The following CELSR1 variants were observed in gnomAD, a reference collection of about 807,000 sequenced individuals.
The protein encoded by CELSR1 is adhesion G protein-coupled receptor C1.
Under a neutral mutation model 249.1 loss-of-function variants are expected in CELSR1, and 110 were observed. The ratio of observed to expected loss-of-function variants is 0.44; its 90% CI spans 0.38 to 0.52. The LOEUF is 0.52. CELSR1 is among the 20% of genes least tolerant of loss of function. The probability of loss-of-function intolerance (pLI) is 0.00; values close to 1 mark genes in which losing one functional copy is unlikely to be tolerated. For synonymous variants in CELSR1, 2,113 were observed against 1,900.0 expected, an observed-to-expected ratio of 1.11 and a Z score of -2.92; for missense variants, 4,109 against 4,296.4, an observed-to-expected ratio of 0.96 and a Z score of 1.22.
intron 27 of CELSR1, among the ~76,000 whole-genome samples, chr22:46,368,787 G>C (rs7287367): frequency 0.16 from 23,689 of 151,518 alleles, 6,100 homozygotes; most frequent in African/African-American, 0.54. Context: ...TGACAGTGGG[G>C]TGGGGGGGTC....
intron 1 of CELSR1, among the ~76,000 whole-genome samples, chr22:46,497,182 C>T (rs1352575754): frequency 6.6e-6 from 1 of 152,212 alleles, no homozygotes; most frequent in African/African-American, 2.4e-5. Flanking sequence ...TTGACAGAAA[C>T]ATCATTATGC....
intron 2 of CELSR1, among the ~76,000 whole-genome samples, chr22:46,461,452 G>A (rs867447356): frequency 3.5e-4 from 53 of 152,208 alleles, no homozygotes; most frequent in African/African-American, 1.3e-3. Context: ...GTCCCCAGGG[G>A]CCTCGACCAC....
rs375109988 is a variant in CELSR1 at position 46,408,805 on chromosome 22, C to T, written c.5226+191G>A. Among the ~76,000 whole-genome samples the T allele has an allele frequency of 7.9e-5, 12 of 152,222 alleles. No homozygotes were observed. The highest frequency in any genetic ancestry group is 3.9e-4 in the East Asian group (2 of 5,192). On this transcript the variant is annotated intron_variant, in intron 9 of 34. Transcript: ENST00000674500. This position sits in a 1 kb window ranked among gnomAD's most constrained non-coding sequence, Gnocchi z 4.6. The stretch of plus-strand genomic sequence containing the variant: ...GGGTTGGCCCAGCCCCATGCTCCCT[C>T]GCTGTCTCCGCCTCCCAGAGGAAAG...
At position 46,535,301 on chromosome 22, in the gene CELSR1, G is replaced by A. The variant is rs536180185; in HGVS notation, c.1870C>T (p.Pro624Ser). ...ATCTGGAAGGGGAAGTCAGGGGTGG[G>A]GGCAGGATTCTTAGGCCCAGCGCTG... ...GGSAGPKNPA[P>S]TPDFPFQIHN... The change falls in exon 1 of 35, where the codon CCC (proline) becomes TCC (serine). Residue 624 changes from proline (P) to serine (S), a missense_variant. This residue lies in a region of CELSR1 where 886 missense variants were observed against 896.5 expected (regional missense o/e 0.99). Transcript: ENST00000674500. 1 of 1,611,522 alleles carries A rather than the reference G, an allele frequency of 6.2e-7. No homozygotes were observed. The highest frequency in any genetic ancestry group is 1.6e-4 in the Middle Eastern group (1 of 6,062).
intron 22 of CELSR1, 119 bp from the exon 23 acceptor site, chr22:46,378,836 C>T: frequency 1.5e-6 from 2 of 1,330,780 alleles, no homozygotes; most frequent in East Asian, 2.5e-5. Flanking sequence ...AACCAAACAG[C>T]AGGTGCCGTG....
Position 46,536,250 on chromosome 22 carries a change from C to A in CELSR1, c.921G>T (p.Thr307=). 1.2e-6 allele frequency: 2 copies of A among 1,612,250 alleles called. No homozygotes were observed. The highest frequency in any genetic ancestry group is 1.7e-6 in the Non-Finnish European group (2 of 1,179,768). The change falls in exon 1 of 35, where the codon ACG becomes ACT. Residue 307 remains threonine, a synonymous_variant. Transcript: ENST00000674500. ...RIDSATGAVS[T]DSVLDRETKE... ...TGGTCTCGCGGTCCAGTACGCTGTC[C>A]GTGCTCACGGCGCCCGTGGCAGAGT... is the stretch of plus-strand genomic sequence containing the variant.
intron 1 of CELSR1, among the ~76,000 whole-genome samples, chr22:46,523,491 G>A (rs1030195894): frequency 1.3e-5 from 2 of 151,800 alleles, no homozygotes; most frequent in Non-Finnish European, 2.9e-5. Flanking sequence ...TTGCACCACT[G>A]CACTCCAGCC....
chr22:46,501,198 AATTTTT>A (rs1246001019), intron 1 of CELSR1, among the ~76,000 whole-genome samples: 1 of 111,164 alleles, frequency 9.0e-6, no homozygotes, highest in Non-Finnish European at 1.7e-5. Flanking sequence ...ATGCCCGGCT[AATTTTT>A]TTTTTTTTTT....
At chr22:46,455,722 G>A (rs1051324628) in intron 2 of CELSR1, among the ~76,000 whole-genome samples, 2 of 152,244 alleles carry the variant, frequency 1.3e-5, no homozygotes, top group Admixed American at 6.5e-5. Context: ...CTGGGCTCCA[G>A]TGCTGGTGGG....
In CELSR1 at chr22:46,500,815, A is replaced by G. The variant is rs1326928228; in HGVS notation, c.3544+32812T>C. On this transcript the variant is annotated intron_variant, in intron 1 of 34. Coordinates refer to ENST00000674500, the MANE Select transcript of CELSR1 (RefSeq NM_001378328.1). This position sits in a 1 kb window ranked among gnomAD's most constrained non-coding sequence, Gnocchi z 4.9. ...GAGGCCAGCAGCAGGTCAGGCCACT[A>G]CATTGCGTCTCTCAGGCTCAGAACA... Among the ~76,000 whole-genome samples the G allele has an allele frequency of 6.6e-6, 1 of 152,114 alleles. No individual in the cohort carries two copies. The highest frequency in any genetic ancestry group is 1.5e-5 in the Non-Finnish European group (1 of 67,992).
chr22:46,363,047 G>A lies in CELSR1; in HGVS notation c.*176C>T. The A allele has an allele frequency of 7.4e-7, 1 of 1,348,466 alleles. No homozygotes were observed. Among genetic ancestry groups the A allele is most frequent in the South Asian group, 1.2e-5 (1 of 82,606 alleles). The allele number at this position is 1,348,466 out of a possible 1,614,324, so 83.5% of individuals were successfully genotyped here. On this transcript the variant is annotated 3_prime_UTR_variant, in exon 35 of 35. Transcript: ENST00000674500. The surrounding 1 kb of genome is among the most constrained non-coding windows in gnomAD (Gnocchi z 4.3). ...GGGAGAACCAAGACCTTTGTGTCTG[G>A]ATGATCAGTCGGGGGGCTGCCACCA...
intron 5 of CELSR1, among the ~76,000 whole-genome samples, chr22:46,419,946 C>T (rs1281460623): frequency 6.6e-6 from 1 of 151,234 alleles, no homozygotes; most frequent in Non-Finnish European, 1.5e-5. Flanking sequence ...CAAACTCATG[C>T]ACACTCACCC....
At position 46,409,899 on chromosome 22, in the gene CELSR1, C is replaced by T. The variant is rs550455994; in HGVS notation, c.4934-19G>A. 10 of 1,610,134 alleles carry T rather than the reference C, an allele frequency of 6.2e-6. No homozygotes were observed. Among genetic ancestry groups the T allele is most frequent in the Admixed American group, 3.3e-5 (2 of 60,024 alleles). On this transcript the variant is annotated intron_variant, in intron 7 of 34. Transcript: ENST00000674500. The surrounding 1 kb of genome is among the most constrained non-coding windows in gnomAD (Gnocchi z 9.8). ...GCGCAGCCTGGCAACACAGAGCGTGCGGCAGAGCCTGACTCGGAGGAACCG... is the reference window on the plus strand; with the variant it reads ...GCGCAGCCTGGCAACACAGAGCGTGTGGCAGAGCCTGACTCGGAGGAACCG...
intron 1 of CELSR1, among the ~76,000 whole-genome samples, chr22:46,528,477 T>A (rs2080760068): frequency 6.6e-6 from 1 of 152,112 alleles, no homozygotes; most frequent in South Asian, 2.1e-4. Flanking sequence ...GGCAGGGACA[T>A]CGCCTTTCTC....
At chr22:46,422,482 G>C (rs9616001) in intron 5 of CELSR1, among the ~76,000 whole-genome samples, 15,016 of 150,680 alleles carry the variant, frequency 0.1, 1,047 homozygotes, top group African/African-American at 0.2. Context: ...ACCTGTAATC[G>C]CAGCACTTTG....
Position 46,398,723 on chromosome 22 carries a change from C to G in CELSR1, c.5413-86G>C. 9.4e-7 allele frequency: 1 copy of G among 1,060,026 alleles called. No homozygotes were observed. Among genetic ancestry groups the G allele is most frequent in the Non-Finnish European group, 1.4e-6 (1 of 725,996 alleles). The allele number at this position is 1,060,026 out of a possible 1,614,324, so 65.7% of individuals were successfully genotyped here. A position where few individuals can be genotyped will look rare whatever the true frequency, so the allele number is the denominator to read the frequency against. On this transcript the variant is annotated intron_variant, in intron 10 of 34. Transcript: ENST00000674500. The surrounding 1 kb of genome is among the most constrained non-coding windows in gnomAD (Gnocchi z 7.2). ...CAGATGGGAAGGATACACTGGAAGT[C>G]TAAACAGTCACTTCAACAAACTCCG... is the stretch of plus-strand genomic sequence containing the variant.
At position 46,524,519 on chromosome 22, in the gene CELSR1, C is replaced by T. The variant is rs568807895; in HGVS notation, c.3544+9108G>A. 1.4e-3 allele frequency among the ~76,000 whole-genome samples: 214 copies of T among 151,712 alleles called. 1 individual carries two copies. Among genetic ancestry groups the T allele is most frequent in the African/African-American group, 5.0e-3 (205 of 41,220 alleles). Reference sequence around the variant, plus strand: ...TTACCCCACACGATGACCTTGAAAACGGCCCCCACCCCCGTTGTGTGCGTG... The same window carrying T: ...TTACCCCACACGATGACCTTGAAAATGGCCCCCACCCCCGTTGTGTGCGTG... On this transcript the variant is annotated intron_variant, in intron 1 of 34. Coordinates refer to ENST00000674500, the MANE Select transcript of CELSR1 (RefSeq NM_001378328.1).
intron 1 of CELSR1, among the ~76,000 whole-genome samples, chr22:46,516,939 C>T (rs1192774400): frequency 8.5e-5 from 13 of 152,190 alleles, no homozygotes; most frequent in Admixed American, 8.5e-4. Context: ...CCCACCTAAA[C>T]CAGTGTCACG....
intron 23 of CELSR1, chr22:46,377,521 C>G: frequency 1.9e-6 from 1 of 520,858 alleles, no homozygotes. Flanking sequence ...GGGGGCCGTT[C>G]AGAGACCTCT....
Sources: gnomAD v4.1 joint callset for allele counts (sites outside exome capture counted in the v4.1 genomes callset) on GRCh38, gnomAD v4.1.1 for gene constraint, gnomAD v4.1.1 regional missense constraint, Gnocchi (gnomAD v3.1) non-coding constraint, MANE v1.5 for transcripts, NCBI Gene and HGNC (gene_info 2026-07-23, HGNC 2026-07-21) for gene names.